KLRF2: variants seen among roughly 807,000 people sequenced by gnomAD.
KLRF2 encodes killer cell lectin-like receptor subfamily F member 2.
Under a neutral mutation model 25.3 loss-of-function variants are expected in KLRF2, and 28 were observed. That is an observed-to-expected ratio of 1.11 (90% CI 0.82 to 1.52). The LOEUF (loss-of-function observed/expected upper bound fraction) is 1.52. KLRF2 is among the 40% of genes most tolerant of loss of function. The probability of loss-of-function intolerance (pLI) is 0.00; values close to 1 mark genes in which losing one functional copy is unlikely to be tolerated. For missense variants in KLRF2, 265 were observed against 245.8 expected (o/e 1.08, Z -0.52); for synonymous variants, 73 against 85.0 (o/e 0.86, Z 0.78).
Position 9,881,554 on chromosome 12 carries a change from T to TA in KLRF2, c.-42_-41insA. 1 of 1,357,792 alleles carries TA rather than the reference T, an allele frequency of 7.4e-7. No individual in the cohort carries two copies. The highest frequency in any genetic ancestry group is 1.8e-4 in the Middle Eastern group (1 of 5,650). The allele number at this position is 1,357,792 out of a possible 1,614,324, so 84.1% of individuals were successfully genotyped here. The stretch of plus-strand genomic sequence containing the variant: ...GGTTGAGATTAGTTTCCATTTTCTT[T>TA]GTACTATTTTCTGGATAATAAGACA... On this transcript the variant is annotated 5_prime_UTR_variant, in exon 1 of 6. Transcript: ENST00000535540.
chr12:9,888,145 AT>A (rs1196462061), intron 2 of KLRF2, among the ~76,000 whole-genome samples: 69 of 151,840 alleles, frequency 4.5e-4, no homozygotes, highest in African/African-American at 1.6e-3. Flanking sequence ...AGTGAAAAAA[AT>A]AATATACAAA....
intron 1 of KLRF2, among the ~76,000 whole-genome samples, chr12:9,883,006 T>C (rs1868111192): frequency 6.6e-6 from 1 of 152,182 alleles, no homozygotes. Flanking sequence ...TGAGTATTGA[T>C]ACATAAAATA....
chr12:9,881,505 C>T lies in KLRF2; in HGVS notation c.-91C>T. On this transcript the variant is annotated 5_prime_UTR_variant, in exon 1 of 6. Coordinates refer to ENST00000535540, the MANE Select transcript of KLRF2 (RefSeq NM_001190765.1). ...CTTCCTTTTAGTTTTCTTTTAGTAC[C>T]TTGTGCCAAAGAGACATATCCAAGG... is the stretch of plus-strand genomic sequence containing the variant. 3.2e-6 allele frequency: 3 copies of T among 942,124 alleles called. No individual in the cohort carries two copies. The highest frequency in any genetic ancestry group is 4.8e-6 in the Non-Finnish European group (3 of 627,748). The allele number at this position is 942,124 out of a possible 1,614,324, so 58.4% of individuals were successfully genotyped here. A position where few individuals can be genotyped will look rare whatever the true frequency, so the allele number is the denominator to read the frequency against.
At chr12:9,884,313 C>G (rs992294928) in intron 1 of KLRF2, among the ~76,000 whole-genome samples, 1 of 151,860 alleles carries the variant, frequency 6.6e-6, no homozygotes, top group African/African-American at 2.4e-5. Context: ...AATTGGAGAT[C>G]TAATACTACC....
chr12:9,895,115 G>A (rs1215016489), intron 5 of KLRF2, among the ~76,000 whole-genome samples: 1 of 152,158 alleles, frequency 6.6e-6, no homozygotes, highest in Non-Finnish European at 1.5e-5. Context: ...GAATTTAAGA[G>A]TCATCTAATA....
At chr12:9,895,564 T>C in intron 5 of KLRF2, 125 bp from the exon 6 acceptor site, 2 of 839,642 alleles carry the variant, frequency 2.4e-6, no homozygotes, top group Non-Finnish European at 3.5e-6. Flanking sequence ...AAAATTCCAT[T>C]CTAAAACCTC....
intron 2 of KLRF2, 127 bp from the exon 3 acceptor site, chr12:9,888,606 T>A: frequency 1.8e-6 from 1 of 558,164 alleles, no homozygotes; most frequent in Non-Finnish European, 3.2e-6. Context: ...AGTGGATGCA[T>A]AGGAGAAGAG....
chr12:9,886,780 AAAG>A (rs200986559), intron 2 of KLRF2, among the ~76,000 whole-genome samples: 2,603 of 150,942 alleles, frequency 0.017, 32 homozygotes, highest in Middle Eastern at 0.035. Context: ...AAAAAAAAAA[AAAG>A]AGAGAAGAAC....
chr12:9,882,343 C>G (rs906945732), intron 1 of KLRF2, among the ~76,000 whole-genome samples: 8 of 152,142 alleles, frequency 5.3e-5, no homozygotes, highest in Non-Finnish European at 1.2e-4. Context: ...TCCCCTGCAC[C>G]CCCTGCCCCC....
intron 1 of KLRF2, 80 bp downstream of exon 1, chr12:9,881,745 C>A: frequency 1.0e-6 from 1 of 980,370 alleles, no homozygotes; most frequent in Non-Finnish European, 1.5e-6. Context: ...ATATTTTTAA[C>A]ATCTTAACAT....
intron 3 of KLRF2, among the ~76,000 whole-genome samples, chr12:9,889,670 G>A (rs10047538): frequency 6.7e-6 from 1 of 149,528 alleles, no homozygotes; most frequent in African/African-American, 2.5e-5. Context: ...GTATATATAT[G>A]TATATATATA....
intron 5 of KLRF2, 139 bp downstream of exon 5, chr12:9,893,680 GCTCT>G (rs568486379): frequency 2.4e-6 from 1 of 412,332 alleles, no homozygotes; most frequent in South Asian, 9.3e-5. Flanking sequence ...TTCCCTTTTA[GCTCT>G]CTCTTTTCTT....
chr12:9,884,831 T>G (rs1343045595), intron 1 of KLRF2, 103 bp from the exon 2 acceptor site: 2 of 403,910 alleles, frequency 5.0e-6, no homozygotes, highest in Non-Finnish European at 8.7e-6. Context: ...TAAATTCTAA[T>G]GACATATCTA....
At chr12:9,883,425 CTCT>C (rs1466236492) in intron 1 of KLRF2, among the ~76,000 whole-genome samples, 2 of 152,198 alleles carry the variant, frequency 1.3e-5, no homozygotes, top group African/African-American at 2.4e-5. Flanking sequence ...GTACTCAGCT[CTCT>C]GTTCACCTGG....
At chr12:9,886,059 T>C (rs1862594005) in intron 2 of KLRF2, among the ~76,000 whole-genome samples, 1 of 152,082 alleles carries the variant, frequency 6.6e-6, no homozygotes, top group East Asian at 1.9e-4. Flanking sequence ...ATATAAATGG[T>C]AAAATGACAT....
Position 9,881,624 on chromosome 12 carries a change from TGA to T in KLRF2, c.31_32del (p.Ser11PhefsTer6), listed in dbSNP as rs370134048. 381 of 1,535,476 alleles carry T rather than the reference TGA, an allele frequency of 2.5e-4. No homozygotes were observed. The East Asian group carries it at 7.5e-3, about 30-fold the overall frequency. On this transcript the variant is annotated frameshift_variant, in exon 1 of 6. Coordinates refer to ENST00000535540, the MANE Select transcript of KLRF2 (RefSeq NM_001190765.1). LOFTEE classifies it high-confidence loss of function. ...GAGAATGAAGATGGGTATATGACGC[TGA>T]GTTTCAAGAATCGTTGTAAATCGAA...
At chr12:9,888,563 G>A (rs2136999294) in intron 2 of KLRF2, among the ~76,000 whole-genome samples, 170 bp from the exon 3 acceptor site, 1 of 152,176 alleles carries the variant, frequency 6.6e-6, no homozygotes, top group Non-Finnish European at 1.5e-5. Context: ...AAACAGATAT[G>A]GCGAAACGTA....
chr12:9,886,803 C>G (rs1319285367), intron 2 of KLRF2, among the ~76,000 whole-genome samples: 1 of 133,152 alleles, frequency 7.5e-6, no homozygotes, highest in Non-Finnish European at 1.6e-5. Context: ...CTCTCTAAAA[C>G]AGTGAGATAT....
At position 9,888,741 on chromosome 12, in the gene KLRF2, AT is replaced by A; in HGVS notation, c.179del (p.Met60ArgfsTer7). ...CTTTGCACTGAGTACAGATAAAAAAATGGATTTCTCCCAGAATGTAAACGTC... is the reference window on the plus strand; with the variant it reads ...CTTTGCACTGAGTACAGATAAAAAAAGGATTTCTCCCAGAATGTAAACGTC... ...GIDLKFWHKK[M>X]DFSQNVNVSS... On this transcript the variant is annotated frameshift_variant, in exon 3 of 6. Transcript: ENST00000535540. LOFTEE classifies it high-confidence loss of function. 6.7e-7 allele frequency: 1 copy of A among 1,497,240 alleles called. No individual in the cohort carries two copies. Among genetic ancestry groups the A allele is most frequent in the Non-Finnish European group, 9.0e-7 (1 of 1,111,752 alleles). The allele number at this position is 1,497,240 out of a possible 1,614,324, so 92.7% of individuals were successfully genotyped here.
Sources: gnomAD v4.1 joint callset for allele counts (sites outside exome capture counted in the v4.1 genomes callset) on GRCh38, gnomAD v4.1.1 for gene constraint, MANE v1.5 for transcripts, NCBI Gene and HGNC (gene_info 2026-07-23, HGNC 2026-07-21) for gene names.